The following ZNF184 variants were observed in gnomAD, a reference collection of about 807,000 sequenced individuals.
The protein encoded by ZNF184 is zinc finger protein 184 (Kruppel-like).
A neutral mutation model predicts 54.4 loss-of-function variants in ZNF184; 16 were observed. The ratio of observed to expected loss-of-function variants is 0.29; its 90% CI spans 0.20 to 0.45. The LOEUF is 0.45. Among genes scored for constraint, ZNF184 ranks in the 20% least tolerant of loss-of-function variants. The pLI, the probability that ZNF184 is intolerant of heterozygous loss-of-function variation, is 1.00. For synonymous variants in ZNF184, 254 were observed against 295.3 expected (o/e 0.86, Z 1.43); for missense variants, 681 against 888.2 (o/e 0.77, Z 2.97).
chr6:27,422,901 A>T, the ZNF184 span, among the ~76,000 whole-genome samples: 2 of 152,168 alleles, frequency 1.3e-5, no homozygotes, highest in Non-Finnish European at 2.9e-5. Context: ...CGTCCGCCGG[A>T]TTCAGTGTCT....
At chr6:27,445,476 C>T in the ZNF184 span, among the ~76,000 whole-genome samples, 139 of 152,282 alleles carry the variant, frequency 9.1e-4, 2 homozygotes, top group Non-Finnish European at 1.5e-3. Flanking sequence ...GATCTGCCCT[C>T]ATGAATGGAT....
At chr6:27,418,869 T>C in the ZNF184 span, among the ~76,000 whole-genome samples, 1 of 152,144 alleles carries the variant, frequency 6.6e-6, no homozygotes, top group African/African-American at 2.4e-5. Context: ...CATGAGTGTT[T>C]TCAACTTTTA....
chr6:27,437,515 G>A, the ZNF184 span, among the ~76,000 whole-genome samples: 2 of 152,188 alleles, frequency 1.3e-5, no homozygotes, highest in Non-Finnish European at 2.9e-5. Context: ...AATGCAGCTT[G>A]ATCAACACCT....
At chr6:27,437,140 ATTAC>A in the ZNF184 span, among the ~76,000 whole-genome samples, 1 of 152,200 alleles carries the variant, frequency 6.6e-6, no homozygotes, top group Non-Finnish European at 1.5e-5. Context: ...CGTTTCTAGT[ATTAC>A]TTACATAATT....
chr6:27,444,275 C>G, the ZNF184 span, among the ~76,000 whole-genome samples: 3 of 152,164 alleles, frequency 2.0e-5, no homozygotes, highest in African/African-American at 7.2e-5. Flanking sequence ...TAGCCAAATA[C>G]TCTTTGTTCC....
intron 3 of ZNF184, among the ~76,000 whole-genome samples, chr6:27,461,272 G>A (rs1298073692): frequency 6.6e-6 from 1 of 152,152 alleles, no homozygotes. Context: ...ATCACAGAGG[G>A]AGGACTCAGA....
the ZNF184 span, chr6:27,404,130 A>G: frequency 6.6e-6 from 1 of 152,208 alleles, no homozygotes; most frequent in Non-Finnish European, 1.5e-5. Context: ...GCACTAGGAG[A>G]TCAGGACAAG....
At chr6:27,443,184 T>C in the ZNF184 span, among the ~76,000 whole-genome samples, 2 of 152,218 alleles carry the variant, frequency 1.3e-5, no homozygotes, top group African/African-American at 4.8e-5. Context: ...TCTTCTTCTC[T>C]TGCATCTCTC....
At chr6:27,409,531 A>C in the ZNF184 span, among the ~76,000 whole-genome samples, 2 of 150,864 alleles carry the variant, frequency 1.3e-5, no homozygotes, top group Non-Finnish European at 3.0e-5. Context: ...ACACAAAACA[A>C]ACGAACAAAC....
chr6:27,456,330 G>A (rs985881133), intron 5 of ZNF184, among the ~76,000 whole-genome samples: 1 of 152,118 alleles, frequency 6.6e-6, no homozygotes, highest in Non-Finnish European at 1.5e-5. Context: ...AACGAAGCCT[G>A]CAGTTATGGA....
the ZNF184 span, among the ~76,000 whole-genome samples, chr6:27,422,221 G>GAAAGAA: frequency 7.9e-6 from 1 of 126,536 alleles, no homozygotes; most frequent in Non-Finnish European, 1.7e-5. Flanking sequence ...AGAAAGAAAA[G>GAAAGAA]AAAAGAAATT....
chr6:27,451,965 A>C lies in ZNF184; in HGVS notation c.1594T>G (p.Cys532Gly). 6.2e-7 allele frequency: 1 copy of C among 1,613,562 alleles called. No individual in the cohort carries two copies. Among genetic ancestry groups the C allele is most frequent in the Non-Finnish European group, 8.5e-7 (1 of 1,180,002 alleles). Reference protein sequence around the residue: ...KTHTQEKAYECKECGKAFIRS... With the variant: ...KTHTQEKAYEGKECGKAFIRS... ...ATAAAAGCTTTCCCACATTCTTTAC[A>C]TTCATAAGCTTTCTCTTGAGTATGA... The change falls in exon 6 of 6, where the codon TGT (cysteine) becomes GGT (glycine). Residue 532 changes from cysteine to glycine, a missense_variant. Transcript: ENST00000683788.
At chr6:27,424,199 G>C in the ZNF184 span, among the ~76,000 whole-genome samples, 1 of 152,186 alleles carries the variant, frequency 6.6e-6, no homozygotes, top group Non-Finnish European at 1.5e-5. Flanking sequence ...ACCGCGTCTG[G>C]AGTTGTTCGT....
rs61736957 is a variant in ZNF184 at position 27,452,809 on chromosome 6, G to A, written c.750C>T (p.Tyr250=). The change falls in exon 6 of 6, where the codon TAC becomes TAT. Residue 250 remains tyrosine (Y), a synonymous_variant. Transcript: ENST00000683788. This position sits in a 1 kb window ranked among gnomAD's most constrained non-coding sequence, Gnocchi z 5.5. ...HQRTHTGEKP[Y]KCNECEKAFS... is the part of the protein sequence containing the mutation. ...AGGCTTTTTCACATTCATTACATTT[G>A]TAGGGTTTTTCTCCAGTATGTGTTC... 0.081 allele frequency: 129,891 copies of A among 1,613,412 alleles called. 5,945 individuals are homozygous for A. Among genetic ancestry groups the A allele is most frequent in the Middle Eastern group, 0.15 (888 of 6,046 alleles).
At chr6:27,460,892 A>G (rs1172442017) in intron 3 of ZNF184, among the ~76,000 whole-genome samples, 1 of 152,176 alleles carries the variant, frequency 6.6e-6, no homozygotes, top group Non-Finnish European at 1.5e-5. Context: ...AATTCCAGGG[A>G]TGCCTAGATC....
In ZNF184 at chr6:27,473,032, TGACC is replaced by T. The variant is rs1319547243; in HGVS notation, c.-447_-444del. 1 of 152,430 alleles carries T rather than the reference TGACC, an allele frequency of 6.6e-6. No individual in the cohort carries two copies. Among genetic ancestry groups the T allele is most frequent in the African/African-American group, 2.4e-5 (1 of 41,456 alleles). The allele number at this position is 152,430 out of a possible 1,614,324, so 9.4% of individuals were successfully genotyped here. ...TCTGATCCCGGGTCCGGAAGCGCAT[TGACC>T]GCCACCAGACCTAACGCAGGGAGCC... On this transcript the variant is annotated 5_prime_UTR_variant, in exon 1 of 6. Transcript: ENST00000683788.
chr6:27,453,406 G>T lies in ZNF184; in HGVS notation c.299-146C>A. The stretch of plus-strand genomic sequence containing the variant: ...TATAGCCATATTATTTGGGGAGAAA[G>T]TTGGAAGGAGCTAAGGAGAATTATA... On this transcript the variant is annotated intron_variant, in intron 5 of 5. Coordinates refer to ENST00000683788, the MANE Select transcript of ZNF184 (RefSeq NM_001318891.2). The surrounding 1 kb of genome is among the most constrained non-coding windows in gnomAD (Gnocchi z 4.7). The T allele has an allele frequency of 1.2e-6, 1 of 803,882 alleles. No individual in the cohort carries two copies. The highest frequency in any genetic ancestry group is 1.8e-6 in the Non-Finnish European group (1 of 555,916). The allele number at this position is 803,882 out of a possible 1,614,324, so 49.8% of individuals were successfully genotyped here.
chr6:27,420,339 C>T, the ZNF184 span, among the ~76,000 whole-genome samples: 1 of 152,146 alleles, frequency 6.6e-6, no homozygotes. Context: ...CTGTCTATTC[C>T]TCTATGCTAG....
At chr6:27,433,261 T>C in the ZNF184 span, among the ~76,000 whole-genome samples, 1 of 152,230 alleles carries the variant, frequency 6.6e-6, no homozygotes, top group South Asian at 2.1e-4. Context: ...CTCAGAGGCT[T>C]TCTTGACATT....
Sources: allele counts gnomAD v4.1 joint callset (sites outside exome capture counted in the v4.1 genomes callset), GRCh38; gene constraint gnomAD v4.1.1; non-coding constraint Gnocchi (gnomAD v3.1); transcripts MANE v1.5; gene names NCBI Gene and HGNC (gene_info 2026-07-23, HGNC 2026-07-21).